Variants in ARHGEF28 observed in about 807,000 individuals in gnomAD.
ARHGEF28 encodes the protein Rho guanine nucleotide exchange factor 28.
In ARHGEF28, 152 loss-of-function variants were observed where a neutral mutation model predicts 206.6. The observed-to-expected ratio is 0.74, with a 90% confidence interval of 0.64 to 0.84. The LOEUF is 0.84. Among genes scored for constraint, ARHGEF28 ranks in the 40% least tolerant of loss-of-function variants. The pLI, the probability that ARHGEF28 is intolerant of heterozygous loss-of-function variation, is 0.00. For missense variants in ARHGEF28, 2,028 were observed against 2,073.2 expected, an observed-to-expected ratio of 0.98 and a Z score of 0.42; for synonymous variants, 763 against 776.4, an observed-to-expected ratio of 0.98 and a Z score of 0.29.
intron 2 of ARHGEF28, among the ~76,000 whole-genome samples, chr5:73,742,809 C>A (rs1288070173): frequency 7.4e-6 from 1 of 135,796 alleles, no homozygotes; most frequent in Non-Finnish European, 1.5e-5. Flanking sequence ...CCGGCCTGGG[C>A]GACAGAGCGA....
intron 9 of ARHGEF28, among the ~76,000 whole-genome samples, chr5:73,816,022 C>A (rs1756186308): frequency 6.6e-6 from 1 of 152,088 alleles, no homozygotes; most frequent in African/African-American, 2.4e-5. Flanking sequence ...CATCACAGAT[C>A]CTTAGAGCCT....
Position 73,713,664 on chromosome 5 carries a change from G to A in ARHGEF28, c.33+28780G>A, listed in dbSNP as rs183944296. Among the ~76,000 whole-genome samples, 366 of 152,258 alleles carry A rather than the reference G, an allele frequency of 2.4e-3. 3 individuals are homozygous for A. The highest frequency in any genetic ancestry group is 8.3e-3 in the African/African-American group (346 of 41,544). On this transcript the variant is annotated intron_variant, in intron 2 of 35. Transcript: ENST00000513042. ...TGTTTTTTTGGTGGGGGGAGGGTAA[G>A]CGAGAAAGGTCACTAAAGGGTAGGC...
intron 9 of ARHGEF28, among the ~76,000 whole-genome samples, chr5:73,820,478 C>T (rs775318183): frequency 6.6e-6 from 1 of 152,082 alleles, no homozygotes; most frequent in Non-Finnish European, 1.5e-5. Context: ...CTTGACTGGC[C>T]TAGGCTCTTC....
chr5:73,753,928 C>T (rs969805444), intron 4 of ARHGEF28, among the ~76,000 whole-genome samples: 1 of 152,212 alleles, frequency 6.6e-6, no homozygotes, highest in African/African-American at 2.4e-5. Context: ...CTCAGTCTCC[C>T]AAAGTGCTGG....
intron 22 of ARHGEF28, among the ~76,000 whole-genome samples, chr5:73,879,446 A>G (rs1486910544): frequency 6.6e-6 from 1 of 152,204 alleles, no homozygotes; most frequent in African/African-American, 2.4e-5. Context: ...TTCTCCGTCC[A>G]GCTTTGTTCC....
At chr5:73,851,323 T>C (rs1170995863) in intron 13 of ARHGEF28, among the ~76,000 whole-genome samples, 2 of 152,100 alleles carry the variant, frequency 1.3e-5, no homozygotes, top group East Asian at 1.9e-4. Context: ...CCTAGGATGC[T>C]TTCGGTCCTT....
intron 2 of ARHGEF28, 44 bp from the exon 3 acceptor site, chr5:73,749,793 A>C: frequency 3.7e-6 from 6 of 1,607,384 alleles, no homozygotes; most frequent in Non-Finnish European, 5.1e-6. Context: ...TCTTAGAGCC[A>C]GGACAAGGAA....
intron 33 of ARHGEF28, among the ~76,000 whole-genome samples, chr5:73,906,721 T>C (rs1042784955): frequency 1.3e-5 from 2 of 152,212 alleles, no homozygotes; most frequent in Non-Finnish European, 1.5e-5. Context: ...TGGTATGATA[T>C]GCGTGTATAT....
At chr5:73,923,487 GT>G (rs1193102888) in intron 35 of ARHGEF28, among the ~76,000 whole-genome samples, 1 of 145,240 alleles carries the variant, frequency 6.9e-6, no homozygotes, top group Non-Finnish European at 1.5e-5. Context: ...ACTACAGAGG[GT>G]TTTTTTCAAA....
At chr5:73,817,415 T>C (rs1472066468) in intron 9 of ARHGEF28, among the ~76,000 whole-genome samples, 3 of 152,220 alleles carry the variant, frequency 2.0e-5, no homozygotes, top group Non-Finnish European at 2.9e-5. Flanking sequence ...TACTAAGCTA[T>C]AGTACATGCT....
At chr5:73,703,743 G>C (rs896579977) in intron 2 of ARHGEF28, among the ~76,000 whole-genome samples, 4 of 151,776 alleles carry the variant, frequency 2.6e-5, no homozygotes, top group Non-Finnish European at 5.9e-5. Context: ...GGTTGGTATA[G>C]AAGATAATTT....
intron 7 of ARHGEF28, among the ~76,000 whole-genome samples, chr5:73,783,956 T>C (rs780075755): frequency 2.0e-5 from 3 of 152,136 alleles, no homozygotes; most frequent in Non-Finnish European, 4.4e-5. Context: ...ATCTAGACAA[T>C]GCTTTTGTAT....
intron 1 of ARHGEF28, among the ~76,000 whole-genome samples, chr5:73,665,594 A>C (rs1745901011): frequency 1.3e-5 from 2 of 152,144 alleles, no homozygotes; most frequent in African/African-American, 4.8e-5. Flanking sequence ...GGAGGCTGAG[A>C]AGTTCTAGCT....
At chr5:73,852,398 T>C (rs1450760940) in intron 13 of ARHGEF28, among the ~76,000 whole-genome samples, 5 of 152,248 alleles carry the variant, frequency 3.3e-5, no homozygotes, top group Non-Finnish European at 1.5e-5. Flanking sequence ...TTGCTGATGC[T>C]AACTTAGTTC....
intron 7 of ARHGEF28, among the ~76,000 whole-genome samples, chr5:73,784,282 A>G (rs957493056): frequency 2.6e-5 from 4 of 152,180 alleles, no homozygotes; most frequent in Non-Finnish European, 5.9e-5. Context: ...TTAAAAGACT[A>G]TAATAATTCT....
chr5:73,712,906 G>T (rs2112312132), intron 2 of ARHGEF28, among the ~76,000 whole-genome samples: 1 of 152,172 alleles, frequency 6.6e-6, no homozygotes, highest in East Asian at 1.9e-4. Flanking sequence ...TCATTACTTT[G>T]TTTATCAATC....
At chr5:73,630,238 C>G (rs886627319) in intron 1 of ARHGEF28, among the ~76,000 whole-genome samples, 9 of 152,062 alleles carry the variant, frequency 5.9e-5, no homozygotes, top group Non-Finnish European at 1.0e-4. Flanking sequence ...GTGACCATGC[C>G]CTTTCTGTTT....
intron 9 of ARHGEF28, among the ~76,000 whole-genome samples, chr5:73,797,014 A>C (rs1214002454): frequency 6.6e-6 from 1 of 152,212 alleles, no homozygotes; most frequent in East Asian, 1.9e-4. Flanking sequence ...AACTCACTCT[A>C]GTTTCAAACT....
chr5:73,722,723 A>G (rs887930853), intron 2 of ARHGEF28, among the ~76,000 whole-genome samples: 7 of 152,236 alleles, frequency 4.6e-5, no homozygotes, highest in Non-Finnish European at 7.3e-5. Context: ...TATCTATTTT[A>G]TGATAAATCC....
Sources: gnomAD v4.1 joint callset for allele counts (sites outside exome capture counted in the v4.1 genomes callset) on GRCh38, gnomAD v4.1.1 for gene constraint, MANE v1.5 for transcripts, NCBI Gene and HGNC (gene_info 2026-07-23, HGNC 2026-07-21) for gene names.